Variants in CSNK1G3 observed in about 807,000 individuals in gnomAD.
CSNK1G3 encodes casein kinase I isoform gamma-3.
Under a neutral mutation model 64.3 loss-of-function variants are expected in CSNK1G3, and 23 were observed. That is an observed-to-expected ratio of 0.36 (90% CI 0.26 to 0.51). The LOEUF is 0.51. Among genes scored for constraint, CSNK1G3 ranks in the 20% least tolerant of loss-of-function variants. The probability of loss-of-function intolerance (pLI) is 0.96; values close to 1 mark genes in which losing one functional copy is unlikely to be tolerated. For synonymous variants in CSNK1G3, 158 were observed against 162.2 expected, an observed-to-expected ratio of 0.97 and a Z score of 0.20; for missense variants, 357 against 510.5, an observed-to-expected ratio of 0.70 and a Z score of 2.90.
intron 10 of CSNK1G3, among the ~76,000 whole-genome samples, chr5:123,602,007 T>C (rs1436886545): frequency 6.6e-6 from 1 of 151,920 alleles, no homozygotes; most frequent in Middle Eastern, 3.2e-3. Flanking sequence ...TTATGTTCAA[T>C]AATTAGAAAA....
At chr5:123,562,242 C>T (rs962940364) in intron 4 of CSNK1G3, among the ~76,000 whole-genome samples, 1 of 152,092 alleles carries the variant, frequency 6.6e-6, no homozygotes, top group Non-Finnish European at 1.5e-5. Flanking sequence ...TTTTCCTCTC[C>T]AGAAAATCTT....
At chr5:123,560,319 A>G (rs1785431946) in intron 4 of CSNK1G3, among the ~76,000 whole-genome samples, 2 of 152,226 alleles carry the variant, frequency 1.3e-5, no homozygotes, top group African/African-American at 4.8e-5. Context: ...TTGATTCTTC[A>G]GAAAAATTAA....
At chr5:123,545,005 G>A (rs1205668298) in intron 1 of CSNK1G3, among the ~76,000 whole-genome samples, 3 of 151,948 alleles carry the variant, frequency 2.0e-5, no homozygotes, top group Non-Finnish European at 4.4e-5. Context: ...TGAACATGGG[G>A]AATATATTTT....
rs893989032 is a variant in CSNK1G3 at position 123,577,359 on chromosome 5, A to G, written c.673+1396A>G. 3.9e-5 allele frequency among the ~76,000 whole-genome samples: 6 copies of G among 152,102 alleles called. 1 individual carries two copies. Among genetic ancestry groups the G allele is most frequent in the Non-Finnish European group, 7.4e-5 (5 of 67,938 alleles). On this transcript the variant is annotated intron_variant, in intron 6 of 12. Coordinates refer to ENST00000345990, the Ensembl canonical transcript of CSNK1G3. ...CAGCAGAACTAGGAAATGTTTGTGC[A>G]TATATGTATATACATACACACATAG...
intron 1 of CSNK1G3, among the ~76,000 whole-genome samples, chr5:123,540,568 T>G (rs1253939135): frequency 6.6e-6 from 1 of 152,146 alleles, no homozygotes; most frequent in Non-Finnish European, 1.5e-5. Context: ...ATTATTTAAA[T>G]GTGTGTTTAA....
intron 9 of CSNK1G3, among the ~76,000 whole-genome samples, chr5:123,590,849 AT>A (rs1792205013): frequency 6.6e-6 from 1 of 152,012 alleles, no homozygotes; most frequent in Non-Finnish European, 1.5e-5. Context: ...CTCATGATTA[AT>A]TTAATACTTC....
intron 3 of CSNK1G3, among the ~76,000 whole-genome samples, chr5:123,553,796 G>T (rs893424279): frequency 6.6e-6 from 1 of 152,214 alleles, no homozygotes; most frequent in Non-Finnish European, 1.5e-5. Context: ...CAACTTTTCT[G>T]TCTGGTTTGC....
intron 10 of CSNK1G3, among the ~76,000 whole-genome samples, chr5:123,591,734 A>G (rs900297950): frequency 2.6e-5 from 4 of 152,070 alleles, no homozygotes; most frequent in Non-Finnish European, 4.4e-5. Context: ...TAAATTATTT[A>G]TTGAATTTCT....
intron 1 of CSNK1G3, among the ~76,000 whole-genome samples, chr5:123,524,949 A>T (rs1434079826): frequency 6.6e-6 from 1 of 152,194 alleles, no homozygotes; most frequent in Non-Finnish European, 1.5e-5. Flanking sequence ...GGCACTCTCT[A>T]GATCCTAATA....
intron 6 of CSNK1G3, among the ~76,000 whole-genome samples, chr5:123,584,285 T>C (rs981025502): frequency 2.0e-5 from 3 of 152,044 alleles, no homozygotes; most frequent in Non-Finnish European, 2.9e-5. Context: ...AAGAATTATG[T>C]TAGTTGACAT....
chr5:123,580,785 T>C (rs1486526699), intron 6 of CSNK1G3, among the ~76,000 whole-genome samples: 1 of 151,998 alleles, frequency 6.6e-6, no homozygotes, highest in African/African-American at 2.4e-5. Context: ...TCTATTTCTC[T>C]TTGGTGAATA....
chr5:123,584,981 A>C (rs1434611397), intron 6 of CSNK1G3, among the ~76,000 whole-genome samples: 1 of 152,130 alleles, frequency 6.6e-6, no homozygotes, highest in Non-Finnish European at 1.5e-5. Flanking sequence ...GAGAGGATTA[A>C]TGATTTTATT....
intron 4 of CSNK1G3, among the ~76,000 whole-genome samples, chr5:123,558,461 G>C (rs1561518023): frequency 6.6e-6 from 1 of 152,076 alleles, no homozygotes; most frequent in Non-Finnish European, 1.5e-5. Context: ...GTATAATACA[G>C]GTAGAGGAAT....
At chr5:123,526,541 A>G (rs910712458) in intron 1 of CSNK1G3, among the ~76,000 whole-genome samples, 4 of 152,146 alleles carry the variant, frequency 2.6e-5, no homozygotes, top group African/African-American at 9.7e-5. Context: ...AAACACAAAA[A>G]CAGTTCTATC....
At chr5:123,605,092 T>C (rs1209217562) in intron 11 of CSNK1G3, among the ~76,000 whole-genome samples, 1 of 152,120 alleles carries the variant, frequency 6.6e-6, no homozygotes. Context: ...GCTTTTGAGT[T>C]TTAGGAGTGT....
rs1445323581 is a variant in CSNK1G3 at position 123,614,521 on chromosome 5, C to CT, written c.*128dup. 2.1e-5 allele frequency: 14 copies of CT among 671,642 alleles called. No individual in the cohort carries two copies. In the Admixed American group the frequency reaches 4.0e-4, roughly 19 times the overall value. 41.6% of individuals were successfully genotyped at this position (671,642 alleles called of 1,614,324 possible). A position where few individuals can be genotyped will look rare whatever the true frequency, so the allele number is the denominator to read the frequency against. On this transcript the variant is annotated 3_prime_UTR_variant, in exon 13 of 13. Transcript: ENST00000345990. ...CACTCTTAGAAACAAAAATGTCATACTTTCATACTTCATTTTGTGGTTGTC... is the reference window on the plus strand; with the variant it reads ...CACTCTTAGAAACAAAAATGTCATACTTTTCATACTTCATTTTGTGGTTGTC...
chr5:123,585,922 G>A (rs1791238940), intron 6 of CSNK1G3, among the ~76,000 whole-genome samples: 2 of 152,182 alleles, frequency 1.3e-5, no homozygotes. Flanking sequence ...ACAACATCAT[G>A]TAGCAATCCC....
At chr5:123,571,611 T>C (rs1466957686) in intron 4 of CSNK1G3, among the ~76,000 whole-genome samples, 1 of 152,234 alleles carries the variant, frequency 6.6e-6, no homozygotes, top group Non-Finnish European at 1.5e-5. Flanking sequence ...ACTAAGAATG[T>C]AGTTTTCTTG....
At chr5:123,575,058 T>C (rs1788903039) in intron 5 of CSNK1G3, among the ~76,000 whole-genome samples, 1 of 152,204 alleles carries the variant, frequency 6.6e-6, no homozygotes, top group Non-Finnish European at 1.5e-5. Flanking sequence ...TTTTCTTATT[T>C]GTAATACTCT....
Sources: gnomAD v4.1 joint callset for allele counts (sites outside exome capture counted in the v4.1 genomes callset) on GRCh38, gnomAD v4.1.1 for gene constraint, MANE v1.5 for transcripts, NCBI Gene and HGNC (gene_info 2026-07-23, HGNC 2026-07-21) for gene names.